Variants in ZNF177 observed in about 807,000 individuals in gnomAD.
ZNF177 encodes the protein zinc finger protein 177.
ZNF177 carries 17 observed loss-of-function variants against 19.4 expected under a neutral mutation model. That is an observed-to-expected ratio of 0.87 (90% CI 0.60 to 1.31). The LOEUF (loss-of-function observed/expected upper bound fraction) is 1.31. ZNF177 is among the 40% of genes most tolerant of loss of function. ZNF177 has a pLI of 0.00. For synonymous variants in ZNF177, 220 were observed against 188.7 expected, an observed-to-expected ratio of 1.17 and a Z score of -1.36; for missense variants, 633 against 561.8, an observed-to-expected ratio of 1.13 and a Z score of -1.28.
chr19:9,376,117 T>C (rs1001432279), upstream of ZNF177, among the ~76,000 whole-genome samples: 17 of 152,136 alleles, frequency 1.1e-4, no homozygotes, highest in African/African-American at 4.1e-4. Flanking sequence ...CACTATGTGT[T>C]TTGACTAGAG....
At chr19:9,367,872 AT>A (rs1183913598) in intron 2 of ZNF177, among the ~76,000 whole-genome samples, 4 of 152,238 alleles carry the variant, frequency 2.6e-5, no homozygotes, top group Admixed American at 1.3e-4. Flanking sequence ...GCTATATTAA[AT>A]AAAACCTTCC....
At chr19:9,378,128 G>T in intron 1 of ZNF177, 131 bp from the exon 4 acceptor site, 1 of 759,856 alleles carries the variant, frequency 1.3e-6, no homozygotes, top group Non-Finnish European at 2.0e-6. Context: ...CTGTGTTCTT[G>T]GATAAGGAGG....
chr19:9,375,785 G>T (rs192915215), upstream of ZNF177, among the ~76,000 whole-genome samples: 2 of 151,952 alleles, frequency 1.3e-5, no homozygotes, highest in Non-Finnish European at 2.9e-5. Flanking sequence ...CAGTTTCATC[G>T]ATCTTTTCTA....
chr19:9,369,782 C>T (rs1599385228), intron 2 of ZNF177, among the ~76,000 whole-genome samples: 1 of 151,926 alleles, frequency 6.6e-6, no homozygotes. Context: ...AATTGTTACC[C>T]TAGCTATTTT....
At chr19:9,374,635 TAA>T (rs912300405), upstream of ZNF177, among the ~76,000 whole-genome samples, 4 of 152,098 alleles carry the variant, frequency 2.6e-5, no homozygotes, top group Non-Finnish European at 4.4e-5. Context: ...GATATTATTA[TAA>T]GTGAAATTAT....
At chr19:9,381,099 G>C (rs1371791516) in exon 6 of ZNF177, 1 of 1,612,814 alleles carries the variant, frequency 6.2e-7, no homozygotes, top group Admixed American at 1.7e-5. Context: ...AGGAGGGTTT[G>C]GAATGTAATG....
At chr19:9,379,906 TATCACTGGTGA>T in intron 4 of ZNF177, 140 bp from the exon 7 acceptor site, 2 of 957,888 alleles carry the variant, frequency 2.1e-6, no homozygotes, top group Non-Finnish European at 1.5e-6. Flanking sequence ...TGCTTGTTCC[TATCACTGGTGA>T]ATCACTGGTT....
upstream of ZNF177, among the ~76,000 whole-genome samples, chr19:9,375,350 A>T (rs936875829): frequency 2.0e-5 from 3 of 152,200 alleles, no homozygotes; most frequent in Non-Finnish European, 4.4e-5. Context: ...CTGACCTCAT[A>T]AAATGAGTTT....
At chr19:9,371,312 G>T (rs2068044712) in intron 2 of ZNF177, among the ~76,000 whole-genome samples, 1 of 151,846 alleles carries the variant, frequency 6.6e-6, no homozygotes, top group African/African-American at 2.4e-5. Context: ...AGTTTCTATT[G>T]TGTCTGTTCT....
intron 4 of ZNF177, 98 bp from the exon 7 acceptor site, chr19:9,379,959 A>C: frequency 7.4e-7 from 1 of 1,358,676 alleles, no homozygotes; most frequent in Admixed American, 2.6e-5. Flanking sequence ...TCTACTTAGA[A>C]GATATTATTT....
At chr19:9,375,136 T>A (rs1476482155), upstream of ZNF177, among the ~76,000 whole-genome samples, 1 of 152,218 alleles carries the variant, frequency 6.6e-6, no homozygotes, top group Non-Finnish European at 1.5e-5. Flanking sequence ...ATGTGATGTA[T>A]CACATTGATT....
At chr19:9,365,863 T>TA (rs1354978325) in intron 2 of ZNF177, among the ~76,000 whole-genome samples, 1 of 152,096 alleles carries the variant, frequency 6.6e-6, no homozygotes. Flanking sequence ...AGAGGCCACT[T>TA]ACCTGATTTA....
At position 9,381,944 on chromosome 19, in the gene ZNF177, T is replaced by TA. The variant is rs138328917; in HGVS notation, c.*168dup. The TA allele has an allele frequency of 3.7e-5, 37 of 1,003,630 alleles. No homozygotes were observed. In the African/African-American group the frequency reaches 6.0e-4, roughly 16 times the overall value. 62.2% of individuals were successfully genotyped at this position (1,003,630 alleles called of 1,614,324 possible). A position where few individuals can be genotyped will look rare whatever the true frequency, so the allele number is the denominator to read the frequency against. On this transcript the variant is annotated 3_prime_UTR_variant, in exon 6 of 6. Transcript: ENST00000589262. ...TAAATGTTATAGCTATGATTGTTTT[T>TA]ATCAGTGAGTATTTCATTCTTATAT... is the stretch of plus-strand genomic sequence containing the variant.
At chr19:9,381,740 A>G (rs17850841) in exon 6 of ZNF177, 2 of 1,608,870 alleles carry the variant, frequency 1.2e-6, no homozygotes, top group African/African-American at 2.7e-5. Flanking sequence ...CTTATAATGC[A>G]CAAGCGAATC....
intron 1 of ZNF177, 133 bp from the exon 2 acceptor site, chr19:9,364,729 C>T (rs981558311): frequency 3.3e-5 from 5 of 152,214 alleles, no homozygotes; most frequent in Admixed American, 2.0e-4. Flanking sequence ...TCCTAGGGAT[C>T]CAGCTAGGGC....
intron 1 of ZNF177, among the ~76,000 whole-genome samples, chr19:9,377,181 G>A (rs1006952661): frequency 2.0e-5 from 3 of 152,068 alleles, no homozygotes; most frequent in Non-Finnish European, 4.4e-5. Flanking sequence ...GTGTAACATT[G>A]TAAAGCACAT....
At chr19:9,379,598 A>G in exon 4 of ZNF177, 2 of 1,613,852 alleles carry the variant, frequency 1.2e-6, no homozygotes, top group South Asian at 1.1e-5. Flanking sequence ...TGAAAGAGGA[A>G]TTTTACAAGG....
At chr19:9,368,503 G>A (rs2068008452) in intron 2 of ZNF177, among the ~76,000 whole-genome samples, 1 of 152,070 alleles carries the variant, frequency 6.6e-6, no homozygotes, top group Non-Finnish European at 1.5e-5. Flanking sequence ...TTTCCTAGTA[G>A]TTTTCAAAGA....
exon 6 of ZNF177, chr19:9,381,027 T>C (rs962341075): frequency 8.1e-6 from 13 of 1,595,778 alleles, no homozygotes; most frequent in South Asian, 1.1e-5. Context: ...AGAAAGGTGA[T>C]GAATGCAGTG....
Sources: gnomAD v4.1 joint callset for allele counts (sites outside exome capture counted in the v4.1 genomes callset) on GRCh38, gnomAD v4.1.1 for gene constraint, MANE v1.5 for transcripts, NCBI Gene and HGNC (gene_info 2026-07-23, HGNC 2026-07-21) for gene names.